ZFYVE26: variants seen among roughly 807,000 people sequenced by gnomAD.
ZFYVE26 encodes the protein zinc finger FYVE-type containing 26.
Under a neutral mutation model 276.5 loss-of-function variants are expected in ZFYVE26, and 181 were observed. The ratio of observed to expected loss-of-function variants is 0.65; its 90% CI spans 0.58 to 0.74. The LOEUF (loss-of-function observed/expected upper bound fraction) is 0.74, where lower values mean the gene tolerates loss of function less well. Ranked by LOEUF, ZFYVE26 falls within the 30% of genes least tolerant of loss-of-function variation. The pLI, the probability that ZFYVE26 is intolerant of heterozygous loss-of-function variation, is 0.00. For missense variants in ZFYVE26, 2,821 were observed against 3,097.9 expected (o/e 0.91, Z 2.12); for synonymous variants, 1,129 against 1,203.1 (o/e 0.94, Z 1.27).
At chr14:67,774,982 A>G (rs1380212642) in intron 27 of ZFYVE26, 34 bp downstream of exon 27, 1 of 1,534,712 alleles carries the variant, frequency 6.5e-7, no homozygotes, top group Admixed American at 1.8e-5. Flanking sequence ...ACTAAACTGA[A>G]AAATTTTAGT....
At chr14:67,752,229 TGATAAAA>T (rs1383635601) in intron 40 of ZFYVE26, 108 bp downstream of exon 40, 86 of 1,351,990 alleles carry the variant, frequency 6.4e-5, no homozygotes, top group South Asian at 2.4e-4. Flanking sequence ...GGGTTCAGAA[TGATAAAA>T]GGATCTTGTA....
chr14:67,748,783 A>G, intron 41 of ZFYVE26, 144 bp from the exon 42 acceptor site: 1 of 836,396 alleles, frequency 1.2e-6, no homozygotes, highest in Non-Finnish European at 2.0e-6. Context: ...TTATGGTATT[A>G]TAACAACTCT....
chr14:67,802,241 G>T lies in ZFYVE26; in HGVS notation c.1477C>A (p.Gln493Lys). The T allele has an allele frequency of 6.2e-7, 1 of 1,614,182 alleles. No homozygotes were observed. Among genetic ancestry groups the T allele is most frequent in the South Asian group, 1.1e-5 (1 of 91,052 alleles). The change falls in exon 10 of 42, where the codon CAG becomes AAG. Residue 493 changes from glutamine to lysine, a missense_variant. Transcript: ENST00000347230. ...APVPEHLSQC[Q>K]NLTLYQGFCA... ...AAGCCCTGGTAGAGTGTCAGGTTCT[G>T]ACACTGGCTCAGGTGCTCAGGGACT...
chr14:67,808,044 T>C, intron 4 of ZFYVE26, 124 bp from the exon 5 acceptor site: 1 of 1,147,464 alleles, frequency 8.7e-7, no homozygotes, highest in Admixed American at 2.2e-5. Flanking sequence ...AATACTTATG[T>C]CGTAGTTACT....
intron 13 of ZFYVE26, among the ~76,000 whole-genome samples, chr14:67,739,155 T>G (rs2038385927): frequency 6.6e-6 from 1 of 152,212 alleles, no homozygotes; most frequent in Non-Finnish European, 1.5e-5. Flanking sequence ...AAAGGCTTCC[T>G]CATTGGTTAA....
Position 67,733,814 on chromosome 14 carries a change from T to G in ZFYVE26, n.2680-3995A>C, listed in dbSNP as rs1336164101. 1 of 1,613,388 alleles carries G rather than the reference T, an allele frequency of 6.2e-7. No homozygotes were observed. Among genetic ancestry groups the G allele is most frequent in the South Asian group, 1.1e-5 (1 of 91,058 alleles). ...AAAACAGCTGAGCGCCTATGGAATG[T>G]CAGCTGTGAGCTTCTAGGAATCCGG... On this transcript the variant is annotated intron_variant and non_coding_transcript_variant, in intron 13 of 14. Transcript: ENST00000394455.
chr14:67,807,289 C>G, intron 5 of ZFYVE26, 109 bp downstream of exon 5: 2 of 1,469,488 alleles, frequency 1.4e-6, no homozygotes, highest in East Asian at 4.6e-5. Flanking sequence ...GCTTAGCCTC[C>G]CCTATTAGAT....
chr14:67,802,883 T>A lies in ZFYVE26; in HGVS notation c.1436-601A>T, dbSNP rs563513760. Among the ~76,000 whole-genome samples the A allele has an allele frequency of 6.6e-5, 10 of 152,280 alleles. No individual in the cohort carries two copies. In the East Asian group the frequency reaches 1.9e-3, roughly 29 times the overall value. On this transcript the variant is annotated intron_variant, in intron 9 of 41. Transcript: ENST00000347230. ...CCAGGCTGGGAAACCTCAAATGCCA[T>A]GTAAGAAAGTTTGTGTCTCTCAAAG... is the stretch of plus-strand genomic sequence containing the variant.
chr14:67,744,803 C>T (rs1345916445), downstream of ZFYVE26, among the ~76,000 whole-genome samples: 1 of 152,154 alleles, frequency 6.6e-6, no homozygotes, highest in African/African-American at 2.4e-5. Flanking sequence ...TTTCTTTATC[C>T]ATTCTATCAC....
chr14:67,734,923 G>A (rs1944672382), intron 13 of ZFYVE26, among the ~76,000 whole-genome samples: 2 of 152,158 alleles, frequency 1.3e-5, no homozygotes, highest in Non-Finnish European at 2.9e-5. Flanking sequence ...GTGGTACAGG[G>A]CTGGGAGTGG....
At position 67,798,241 on chromosome 14, in the gene ZFYVE26, C is replaced by G; in HGVS notation, c.2021G>C (p.Gly674Ala). 6.2e-7 allele frequency: 1 copy of G among 1,614,172 alleles called. No homozygotes were observed. Among genetic ancestry groups the G allele is most frequent in the Non-Finnish European group, 8.5e-7 (1 of 1,180,030 alleles). The change falls in exon 11 of 42, where the codon GGT becomes GCT. Residue 674 changes from glycine (G) to alanine (A), a missense_variant. Gly to Ala is a moderately conservative substitution (Grantham distance 60). Transcript: ENST00000347230. The part of the protein sequence containing the change: ...SFLDLKHFTS[G>A]ISGFLADEFA... Reference sequence around the variant, plus strand: ...TTCATCAGCCAGAAATCCACTGATACCACTAGTAAAGTGTTTTAAGTCCAA... The same window carrying G: ...TTCATCAGCCAGAAATCCACTGATAGCACTAGTAAAGTGTTTTAAGTCCAA...
intron 13 of ZFYVE26, among the ~76,000 whole-genome samples, chr14:67,739,761 G>A (rs12882423): frequency 0.11 from 17,063 of 151,972 alleles, 1,333 homozygotes; most frequent in South Asian, 0.33. Flanking sequence ...ACCCTTACAG[G>A]TGTTCACCCA....
intron 16 of ZFYVE26, among the ~76,000 whole-genome samples, chr14:67,788,475 G>A (rs1694322104): frequency 6.6e-6 from 1 of 152,158 alleles, no homozygotes; most frequent in African/African-American, 2.4e-5. Flanking sequence ...GCAACTGCTG[G>A]CACAACTCAT....
chr14:67,792,913 CAAAAAAA>C (rs34041446), intron 14 of ZFYVE26, among the ~76,000 whole-genome samples: 4 of 56,810 alleles, frequency 7.0e-5, no homozygotes, highest in African/African-American at 7.2e-5. Flanking sequence ...AAATCTGTCT[CAAAAAAA>C]AAAAAAAAAA....
chr14:67,732,536 C>CAAAAA lies in ZFYVE26; in HGVS notation n.2680-2722_2680-2718dup, dbSNP rs11408156. Among the ~76,000 whole-genome samples the CAAAAA allele has an allele frequency of 3.2e-3, 414 of 130,110 alleles. 5 individuals are homozygous for CAAAAA. The highest frequency in any genetic ancestry group is 0.016 in the South Asian group (65 of 4,114). 85.4% of individuals were successfully genotyped at this position (130,110 alleles called of 152,430 possible). A position where few individuals can be genotyped will look rare whatever the true frequency, so the allele number is the denominator to read the frequency against. On this transcript the variant is annotated intron_variant and non_coding_transcript_variant, in intron 13 of 14. Transcript: ENST00000394455. ...TATCTCTATTTATATCCAAACAAAG[C>CAAAAA]AAAAAAAAAAAAAAGACTGTACAGA...
At chr14:67,799,539 T>A (rs2040036974) in intron 10 of ZFYVE26, 1 of 1,565,314 alleles carries the variant, frequency 6.4e-7, no homozygotes, top group African/African-American at 1.4e-5. Context: ...CTGGCTCAGA[T>A]GGAAGCAAAG....
intron 25 of ZFYVE26, among the ~76,000 whole-genome samples, chr14:67,777,349 C>T (rs1187235338): frequency 2.0e-5 from 3 of 152,194 alleles, no homozygotes; most frequent in Non-Finnish European, 4.4e-5. Flanking sequence ...CTAGGAGACT[C>T]AACTAGGATA....
chr14:67,798,693 C>T, intron 10 of ZFYVE26, 71 bp from the exon 11 acceptor site: 1 of 1,593,966 alleles, frequency 6.3e-7, no homozygotes, highest in African/African-American at 1.3e-5. Flanking sequence ...AGAAACATTA[C>T]CTCCCAGCGT....
At chr14:67,809,337 G>C in intron 3 of ZFYVE26, 48 bp from the exon 4 acceptor site, 1 of 1,320,096 alleles carries the variant, frequency 7.6e-7, no homozygotes, top group Non-Finnish European at 1.1e-6. Flanking sequence ...ATATGTTTTA[G>C]TTAACAAATT....
Sources: gnomAD v4.1 joint callset for allele counts (sites outside exome capture counted in the v4.1 genomes callset) on GRCh38, gnomAD v4.1.1 for gene constraint, MANE v1.5 for transcripts, NCBI Gene and HGNC (gene_info 2026-07-23, HGNC 2026-07-21) for gene names.